The following CSNK1G3 variants were observed in gnomAD, a reference collection of about 807,000 sequenced individuals.
The protein encoded by CSNK1G3 is casein kinase 1 gamma 3.
In CSNK1G3, 23 loss-of-function variants were observed where a neutral mutation model predicts 64.3. That is an observed-to-expected ratio of 0.36 (90% CI 0.26 to 0.51). The LOEUF is 0.51. Ranked by LOEUF, CSNK1G3 falls within the 20% of genes least tolerant of loss-of-function variation. The pLI, the probability that CSNK1G3 is intolerant of heterozygous loss-of-function variation, is 0.96. For synonymous variants in CSNK1G3, 158 were observed against 162.2 expected, an observed-to-expected ratio of 0.97 and a Z score of 0.20; for missense variants, 357 against 510.5, an observed-to-expected ratio of 0.70 and a Z score of 2.90.
At chr5:123,556,707 A>G (rs1389150702) in intron 3 of CSNK1G3, among the ~76,000 whole-genome samples, 1 of 150,730 alleles carries the variant, frequency 6.6e-6, no homozygotes, top group Non-Finnish European at 1.5e-5. Context: ...TACTTCTTGT[A>G]TTTTCATATT....
At chr5:123,571,059 T>C (rs1787997044) in intron 4 of CSNK1G3, among the ~76,000 whole-genome samples, 1 of 152,154 alleles carries the variant, frequency 6.6e-6, no homozygotes, top group Non-Finnish European at 1.5e-5. Flanking sequence ...GGGGTAGATA[T>C]GACAAATACA....
chr5:123,520,497 G>A (rs1455053211), intron 1 of CSNK1G3, among the ~76,000 whole-genome samples: 1 of 149,774 alleles, frequency 6.7e-6, no homozygotes, highest in Non-Finnish European at 1.5e-5. Context: ...TTTTTTGAGG[G>A]GGGTAGAATC....
chr5:123,522,807 C>G (rs1778360979), intron 1 of CSNK1G3, among the ~76,000 whole-genome samples: 1 of 152,094 alleles, frequency 6.6e-6, no homozygotes, highest in Non-Finnish European at 1.5e-5. Context: ...GTCAATTGTA[C>G]TTAGCATCCT....
chr5:123,608,296 T>C (rs754045430), intron 12 of CSNK1G3, among the ~76,000 whole-genome samples: 5 of 152,188 alleles, frequency 3.3e-5, no homozygotes, highest in Non-Finnish European at 7.4e-5. Context: ...TTCCTGAGAA[T>C]AGTATCTCAT....
At chr5:123,577,223 T>C (rs1789350015) in intron 6 of CSNK1G3, among the ~76,000 whole-genome samples, 1 of 152,022 alleles carries the variant, frequency 6.6e-6, no homozygotes, top group African/African-American at 2.4e-5. Flanking sequence ...ATCAGTCCTT[T>C]TCTCCAAGAA....
chr5:123,540,621 A>C (rs779219720), intron 1 of CSNK1G3, among the ~76,000 whole-genome samples: 2 of 151,312 alleles, frequency 1.3e-5, no homozygotes, highest in East Asian at 1.9e-4. Flanking sequence ...ACAGCTGTCG[A>C]TTTCTAATTT....
chr5:123,519,476 T>C (rs112249762), intron 1 of CSNK1G3, among the ~76,000 whole-genome samples: 220 of 152,390 alleles, frequency 1.4e-3, no homozygotes, highest in African/African-American at 5.0e-3. Context: ...ATGAAGCCAT[T>C]TAATTTTACA....
At chr5:123,539,125 C>T (rs1184623056) in intron 1 of CSNK1G3, among the ~76,000 whole-genome samples, 1 of 152,108 alleles carries the variant, frequency 6.6e-6, no homozygotes, top group South Asian at 2.1e-4. Context: ...TGAGCCACCA[C>T]GCCTGGTTGT....
intron 3 of CSNK1G3, 138 bp from the exon 4 acceptor site, chr5:123,557,357 T>G (rs1581113713): frequency 1.6e-6 from 1 of 622,006 alleles, no homozygotes; most frequent in East Asian, 3.1e-5. Context: ...GATTTTTATA[T>G]GAATCTAATC....
intron 10 of CSNK1G3, 65 bp downstream of exon 11, chr5:123,595,199 A>G: frequency 7.3e-7 from 1 of 1,370,386 alleles, no homozygotes; most frequent in South Asian, 1.2e-5. Flanking sequence ...TTTTTTTTGG[A>G]ACTCATGGCA....
chr5:123,557,603 G>T (rs761932706), intron 4 of CSNK1G3, 39 bp downstream of exon 4: 1 of 1,295,506 alleles, frequency 7.7e-7, no homozygotes. Flanking sequence ...GAAATAAAGT[G>T]GATTGTCATG....
chr5:123,592,098 A>G (rs750341970), intron 10 of CSNK1G3, among the ~76,000 whole-genome samples: 5 of 152,054 alleles, frequency 3.3e-5, no homozygotes, highest in Non-Finnish European at 7.4e-5. Context: ...TGAAACACTA[A>G]TAAAGTAGCA....
intron 4 of CSNK1G3, among the ~76,000 whole-genome samples, chr5:123,572,942 A>G (rs1788417228): frequency 6.6e-6 from 1 of 152,216 alleles, no homozygotes; most frequent in Non-Finnish European, 1.5e-5. Context: ...AGGGGTTTAT[A>G]CAAGGTGTAT....
chr5:123,610,384 T>C (rs1796112261), intron 12 of CSNK1G3, among the ~76,000 whole-genome samples: 1 of 152,096 alleles, frequency 6.6e-6, no homozygotes, highest in African/African-American at 2.4e-5. Context: ...TGGTTAGTTC[T>C]AGGAGGTACC....
At chr5:123,577,456 A>G (rs1789400359) in intron 6 of CSNK1G3, among the ~76,000 whole-genome samples, 1 of 152,062 alleles carries the variant, frequency 6.6e-6, no homozygotes, top group Non-Finnish European at 1.5e-5. Context: ...AAAAATTTTG[A>G]GTTTATACTG....
At chr5:123,579,325 A>G (rs557042885) in intron 6 of CSNK1G3, among the ~76,000 whole-genome samples, 2 of 151,666 alleles carry the variant, frequency 1.3e-5, no homozygotes, top group African/African-American at 2.4e-5. Flanking sequence ...GTAAGTTTCA[A>G]ATATTTAAAA....
At chr5:123,516,391 A>G (rs1777169271) in intron 1 of CSNK1G3, among the ~76,000 whole-genome samples, 1 of 152,228 alleles carries the variant, frequency 6.6e-6, no homozygotes. Context: ...GTAGAAATAT[A>G]TAACTTCTAG....
rs1243358013 is a variant in CSNK1G3 at position 123,615,614 on chromosome 5, A to AAC, written c.*1219_*1220insCA. On this transcript the variant is annotated 3_prime_UTR_variant, in exon 13 of 13. Transcript: ENST00000345990. ...ATATGAACAACAACAACAACAACAA[A>AAC]AAATTCTGTAAAAAAGGAAGCCCAT... The AAC allele has an allele frequency of 1.1e-4, 16 of 146,488 alleles. No homozygotes were observed. In the East Asian group the frequency reaches 2.3e-3, roughly 21 times the overall value. The allele number at this position is 146,488 out of a possible 1,614,324, so 9.1% of individuals were successfully genotyped here. A position where few individuals can be genotyped will look rare whatever the true frequency, so the allele number is the denominator to read the frequency against.
intron 4 of CSNK1G3, among the ~76,000 whole-genome samples, chr5:123,562,302 T>C (rs1193124087): frequency 2.0e-5 from 3 of 152,134 alleles, no homozygotes; most frequent in African/African-American, 7.2e-5. Flanking sequence ...ACCTTTATTT[T>C]TCTTTTATCG....
Sources: gnomAD v4.1 joint callset for allele counts (sites outside exome capture counted in the v4.1 genomes callset) on GRCh38, gnomAD v4.1.1 for gene constraint, MANE v1.5 for transcripts, NCBI Gene and HGNC (gene_info 2026-07-23, HGNC 2026-07-21) for gene names.